ABCA4: variants seen among roughly 807,000 people sequenced by gnomAD.
ABCA4 encodes the protein retinal-specific phospholipid-transporting ATPase ABCA4.
ABCA4 carries 196 observed loss-of-function variants against 263.7 expected under a neutral mutation model. The ratio of observed to expected loss-of-function variants is 0.74; its 90% CI spans 0.66 to 0.84. The LOEUF is 0.84. ABCA4 is among the 40% of genes least tolerant of loss of function. The pLI is 0.00. For synonymous variants in ABCA4, 1,133 were observed against 1,094.2 expected, an observed-to-expected ratio of 1.04 and a Z score of -0.70; for missense variants, 2,792 against 2,855.1, an observed-to-expected ratio of 0.98 and a Z score of 0.50.
At chr1:94,062,059 G>A (rs1661142590) in intron 13 of ABCA4, among the ~76,000 whole-genome samples, 1 of 152,158 alleles carries the variant, frequency 6.6e-6, no homozygotes, top group African/African-American at 2.4e-5. Context: ...TGGGATGGGA[G>A]TGTCCAGGGA....
In ABCA4 at chr1:94,045,807, T is replaced by C. The variant is rs776598189; in HGVS notation, c.2919-1063A>G. 1.0e-4 allele frequency: 46 copies of C among 456,166 alleles called. 1 individual carries two copies. The highest frequency in any genetic ancestry group is 7.1e-4 in the South Asian group (46 of 64,576). 28.3% of individuals were successfully genotyped at this position (456,166 alleles called of 1,614,324 possible). A position where few individuals can be genotyped will look rare whatever the true frequency, so the allele number is the denominator to read the frequency against. On this transcript the variant is annotated intron_variant, in intron 19 of 49. Coordinates refer to ENST00000370225, the MANE Select transcript of ABCA4 (RefSeq NM_000350.3). ...ACAGGGTGTACACGCTGTTGTTCCT[T>C]CCTGGGGCTCTCCAAAGGACTTGAA...
At position 94,019,019 on chromosome 1, in the gene ABCA4, GTTTT is replaced by G. The variant is rs757258025; in HGVS notation, c.5196+559_5196+562del. On this transcript the variant is annotated intron_variant, in intron 36 of 49. Coordinates refer to ENST00000370225, the MANE Select transcript of ABCA4 (RefSeq NM_000350.3). ...ATTTGAGTTTCAGATAAACAACCAG[GTTTT>G]TTTTTTTTTTTTTTTTTTTTTTAGT... is the stretch of plus-strand genomic sequence containing the variant. 1.0e-4 allele frequency among the ~76,000 whole-genome samples: 8 copies of G among 76,426 alleles called. No individual in the cohort carries two copies. In the East Asian group the frequency reaches 1.2e-3, roughly 12 times the overall value. The allele number at this position is 76,426 out of a possible 152,430, so 50.1% of individuals were successfully genotyped here.
intron 38 of ABCA4, 87 bp downstream of exon 38, chr1:94,014,456 T>C: frequency 6.7e-7 from 1 of 1,483,102 alleles, no homozygotes; most frequent in Non-Finnish European, 9.4e-7. Flanking sequence ...CTGCTACATG[T>C]ACGATGCTTG....
chr1:94,060,484 G>A (rs1661090635), intron 14 of ABCA4, 53 bp downstream of exon 14: 5 of 1,531,170 alleles, frequency 3.3e-6, no homozygotes. Context: ...AGGAGGAAAG[G>A]GGAAAGGAAC....
intron 19 of ABCA4, chr1:94,045,849 T>A (rs1660656864): frequency 2.2e-6 from 1 of 456,138 alleles, no homozygotes; most frequent in South Asian, 1.5e-5. Context: ...GTCACGTGGG[T>A]TCGCTGCCCC....
At chr1:94,048,668 C>CTAA (rs1411952603) in intron 18 of ABCA4, among the ~76,000 whole-genome samples, 200 bp downstream of exon 18, 1 of 152,206 alleles carries the variant, frequency 6.6e-6, no homozygotes, top group African/African-American at 2.4e-5. Flanking sequence ...GAAATATGCG[C>CTAA]TAATGTCTGG....
At chr1:94,021,745 G>A (rs1659905014) in intron 33 of ABCA4, 31 bp from the exon 34 acceptor site, 21 of 1,609,614 alleles carry the variant, frequency 1.3e-5, no homozygotes, top group Non-Finnish European at 1.6e-5. Context: ...CAAACAAGAC[G>A]GTTTTAATTT....
Position 94,080,631 on chromosome 1 carries a change from T to C in ABCA4, c.946A>G (p.Met316Val). ...CACAGGAGGTCAGACAGGATGCCCA[T>C]CAGCTTTGTAAAGGTCTCTGGACCA... The part of the protein sequence containing the change: ...NGGPETFTKL[M>V]GILSDLLCGY... The change falls in exon 8 of 50, where the codon ATG (methionine) becomes GTG (valine). Residue 316 changes from methionine (M) to valine (V), a missense_variant. Physicochemically the swap from Met to Val is conservative, Grantham distance 21 (BLOSUM62 1). Coordinates refer to ENST00000370225, the MANE Select transcript of ABCA4 (RefSeq NM_000350.3). 1 of 1,614,082 alleles carries C rather than the reference T, an allele frequency of 6.2e-7. No individual in the cohort carries two copies.
At position 94,080,519 on chromosome 1, in the gene ABCA4, GA is replaced by G; in HGVS notation, c.1057del (p.Ser353ProfsTer21). The G allele has an allele frequency of 6.2e-7, 1 of 1,614,120 alleles. No homozygotes were observed. The highest frequency in any genetic ancestry group is 8.5e-7 in the Non-Finnish European group (1 of 1,180,028). On this transcript the variant is annotated frameshift_variant, in exon 8 of 50. Coordinates refer to ENST00000370225, the MANE Select transcript of ABCA4 (RefSeq NM_000350.3). LOFTEE classifies it high-confidence loss of function. ...AGAATAGATAGGATCCTTCCTTGTGGAGTCAATCCCCAGAAAGGCCTTATAG... is the reference window on the plus strand; with the variant it reads ...AGAATAGATAGGATCCTTCCTTGTGGGTCAATCCCCAGAAAGGCCTTATAG... ...NNYKAFLGIDSTRKDPIYSYD... is the reference protein window; with the variant it reads ...NNYKAFLGIDXTRKDPIYSYD...
chr1:94,011,795 T>G (rs1659553970), intron 38 of ABCA4, among the ~76,000 whole-genome samples: 1 of 152,198 alleles, frequency 6.6e-6, no homozygotes, highest in Non-Finnish European at 1.5e-5. Context: ...TAGGTGACTC[T>G]GGGGGTGACA....
At chr1:94,048,476 C>T (rs1243740051) in intron 18 of ABCA4, among the ~76,000 whole-genome samples, 1 of 152,156 alleles carries the variant, frequency 6.6e-6, no homozygotes, top group Non-Finnish European at 1.5e-5. Flanking sequence ...GAGTCTCTTT[C>T]CCCCTGGACA....
intron 45 of ABCA4, chr1:94,001,479 G>T: frequency 1.9e-6 from 1 of 520,968 alleles, no homozygotes; most frequent in South Asian, 1.8e-5. Context: ...CTTGGGCTGC[G>T]TGGGCATGGC....
rs189534324 is a variant in ABCA4 at position 93,994,649 on chromosome 1, G to A, written c.6817-1407C>T. On this transcript the variant is annotated intron_variant, in intron 49 of 49. Coordinates refer to ENST00000370225, the MANE Select transcript of ABCA4 (RefSeq NM_000350.3). ...ATTTTTGCAAACCTTTGTAAAGATA[G>A]TATGTTGTAAAGTCAGAATTAGGTT... 2.1e-4 allele frequency among the ~76,000 whole-genome samples: 32 copies of A among 152,306 alleles called. No individual in the cohort carries two copies. The East Asian group carries it at 5.4e-3, about 26-fold the overall frequency.
chr1:94,050,727 G>A (rs1204025467), intron 17 of ABCA4, among the ~76,000 whole-genome samples: 1 of 151,864 alleles, frequency 6.6e-6, no homozygotes, highest in Non-Finnish European at 1.5e-5. Context: ...AAAAAATCCT[G>A]AGCTGTTAAA....
chr1:94,070,705 G>A (rs1014251291), intron 11 of ABCA4, among the ~76,000 whole-genome samples: 6 of 152,186 alleles, frequency 3.9e-5, no homozygotes, highest in African/African-American at 9.6e-5. Context: ...CGAAACATAG[G>A]ACCTGAGTCC....
intron 6 of ABCA4, among the ~76,000 whole-genome samples, chr1:94,091,881 C>T (rs930705870): frequency 1.3e-4 from 20 of 152,202 alleles, no homozygotes; most frequent in African/African-American, 4.1e-4. Flanking sequence ...TAAGAGGTCT[C>T]TGCTTGGGTT....
chr1:94,083,810 C>A (rs1022585714), intron 6 of ABCA4, among the ~76,000 whole-genome samples: 1 of 152,200 alleles, frequency 6.6e-6, no homozygotes, highest in East Asian at 1.9e-4. Context: ...GCCTGGGGTG[C>A]CCATCTGTTC....
chr1:94,044,579 G>C (rs200436535), intron 20 of ABCA4, 34 bp downstream of exon 20: 1 of 1,614,164 alleles, frequency 6.2e-7, no homozygotes, highest in East Asian at 2.2e-5. Context: ...GTGAGGAGAG[G>C]GGATGGGGCG....
chr1:94,109,740 C>A (rs898952371), intron 3 of ABCA4, among the ~76,000 whole-genome samples: 4 of 152,208 alleles, frequency 2.6e-5, no homozygotes, highest in African/African-American at 9.6e-5. Context: ...CTGAGCCCCG[C>A]CTTGCTGCCC....
Sources: gnomAD v4.1 joint callset for allele counts (sites outside exome capture counted in the v4.1 genomes callset) on GRCh38, gnomAD v4.1.1 for gene constraint, MANE v1.5 for transcripts, NCBI Gene and HGNC (gene_info 2026-07-23, HGNC 2026-07-21) for gene names.